The following INTS6 variants were observed in gnomAD, a reference collection of about 807,000 sequenced individuals.
INTS6 encodes the protein DEAD box protein.
A neutral mutation model predicts 104.9 loss-of-function variants in INTS6; 16 were observed. The observed-to-expected ratio is 0.15, with a 90% confidence interval of 0.10 to 0.23. The LOEUF is 0.23. Among genes scored for constraint, INTS6 ranks in the 10% least tolerant of loss-of-function variants. The pLI is 1.00. For synonymous variants in INTS6, 324 were observed against 358.7 expected (o/e 0.90, Z 1.09); for missense variants, 584 against 1,062.8 (o/e 0.55, Z 6.26).
chr13:51,421,372 A>C, intron 4 of INTS6: 4 of 827,070 alleles, frequency 4.8e-6, no homozygotes, highest in East Asian at 1.2e-4. Context: ...CAACAAACAA[A>C]ACAAAGGGGG....
chr13:51,349,567 G>A (rs752143623), downstream of INTS6, among the ~76,000 whole-genome samples: 2 of 152,192 alleles, frequency 1.3e-5, no homozygotes, highest in Non-Finnish European at 2.9e-5. Context: ...AGGCTGGTGC[G>A]AGAATTCGCC....
chr13:51,361,284 A>T, downstream of INTS6: 1 of 1,607,666 alleles, frequency 6.2e-7, no homozygotes, highest in South Asian at 1.1e-5. Flanking sequence ...TTAGGCCAAG[A>T]TGGCTTTTAT....
chr13:51,397,840 C>T lies in INTS6; in HGVS notation c.430-2357G>A, dbSNP rs531870762. On this transcript the variant is annotated intron_variant, in intron 4 of 17. Transcript: ENST00000311234. ...CCACACACACACACACACATGCACA[C>T]ACACAAACTAATCATGTAATGATGA... is the stretch of plus-strand genomic sequence containing the variant. 2.6e-5 allele frequency among the ~76,000 whole-genome samples: 4 copies of T among 152,124 alleles called. No homozygotes were observed. In the South Asian group the frequency reaches 8.3e-4, roughly 32 times the overall value.
At position 51,364,241 on chromosome 13, in the gene INTS6, T is replaced by C. The variant is rs1187095045; in HGVS notation, c.*1511A>G. On this transcript the variant is annotated 3_prime_UTR_variant, in exon 18 of 18. Transcript: ENST00000311234. Reference sequence around the variant, plus strand: ...TAAATTCTTCTTTTTCTTGACAGGGTTTGTCTTCAGTATTGGGAGAGTTTC... The same window carrying C: ...TAAATTCTTCTTTTTCTTGACAGGGCTTGTCTTCAGTATTGGGAGAGTTTC... The C allele has an allele frequency of 2.8e-6, 4 of 1,442,652 alleles. No individual in the cohort carries two copies. Among genetic ancestry groups the C allele is most frequent in the Non-Finnish European group, 3.7e-6 (4 of 1,072,842 alleles). The allele number at this position is 1,442,652 out of a possible 1,614,324, so 89.4% of individuals were successfully genotyped here. A position where few individuals can be genotyped will look rare whatever the true frequency, so the allele number is the denominator to read the frequency against.
downstream of INTS6, chr13:51,361,453 T>C (rs549878134): frequency 1.1e-4 from 90 of 837,692 alleles, 1 homozygote; most frequent in South Asian, 1.4e-3. Flanking sequence ...TCTGAATCTT[T>C]CCATAACCCC....
chr13:51,450,252 G>A (rs1953007826), intron 3 of INTS6: 4 of 984,028 alleles, frequency 4.1e-6, no homozygotes, highest in South Asian at 4.7e-5. Context: ...TTTATTTCCA[G>A]GGCAATAATA....
At chr13:51,411,033 G>GA (rs1252026812) in intron 4 of INTS6, among the ~76,000 whole-genome samples, 1 of 151,650 alleles carries the variant, frequency 6.6e-6, no homozygotes, top group Non-Finnish European at 1.5e-5. Context: ...CCAACATAGT[G>GA]AAACCCCGTC....
At chr13:51,338,061 G>A in the INTS6 span, among the ~76,000 whole-genome samples, 14 of 152,114 alleles carry the variant, frequency 9.2e-5, 1 homozygote, top group Non-Finnish European at 5.9e-5. Context: ...CATTTTTCCC[G>A]AAGGATGCTT....
At chr13:51,433,640 A>G (rs1413650635) in intron 3 of INTS6, among the ~76,000 whole-genome samples, 1 of 152,246 alleles carries the variant, frequency 6.6e-6, no homozygotes, top group African/African-American at 2.4e-5. Flanking sequence ...TTAAAGGCCC[A>G]TGTCTACAAA....
chr13:51,429,536 C>T (rs760328948), intron 4 of INTS6, among the ~76,000 whole-genome samples: 1 of 151,706 alleles, frequency 6.6e-6, no homozygotes, highest in Non-Finnish European at 1.5e-5. Flanking sequence ...GAGGCCAAGG[C>T]AGGTGGATCC....
intron 4 of INTS6, among the ~76,000 whole-genome samples, chr13:51,420,899 C>T (rs768668726): frequency 6.6e-6 from 1 of 152,092 alleles, no homozygotes; most frequent in Non-Finnish European, 1.5e-5. Context: ...CAGGAAATAC[C>T]GAGTTCCTCA....
intron 4 of INTS6, among the ~76,000 whole-genome samples, chr13:51,419,661 T>C (rs1956859886): frequency 6.6e-6 from 1 of 152,208 alleles, no homozygotes. Flanking sequence ...GTACCTCTCA[T>C]ATCAAACTCA....
intron 4 of INTS6, among the ~76,000 whole-genome samples, chr13:51,428,832 C>T (rs528585100): frequency 1.2e-4 from 19 of 152,256 alleles, no homozygotes; most frequent in African/African-American, 3.9e-4. Flanking sequence ...TTTTTCAGCT[C>T]TATCTCCATG....
At chr13:51,434,780 ATCTT>A (rs1957157096) in intron 3 of INTS6, among the ~76,000 whole-genome samples, 1 of 152,028 alleles carries the variant, frequency 6.6e-6, no homozygotes, top group African/African-American at 2.4e-5. Flanking sequence ...GCATAATGTC[ATCTT>A]TCTCTGTCAA....
At chr13:51,336,620 A>G in the INTS6 span, among the ~76,000 whole-genome samples, 2 of 152,182 alleles carry the variant, frequency 1.3e-5, no homozygotes, top group African/African-American at 4.8e-5. Context: ...GTCCTTTCTT[A>G]AGTAAGATGA....
At chr13:51,341,875 C>A in the INTS6 span, among the ~76,000 whole-genome samples, 1 of 152,160 alleles carries the variant, frequency 6.6e-6, no homozygotes, top group Non-Finnish European at 1.5e-5. Flanking sequence ...AGTTGGGACT[C>A]AAGCCCAGGC....
rs1272977323 is a variant in INTS6, at chr13:51,369,203, C to G, written c.2212G>C (p.Ala738Pro). The change falls in exon 16 of 18, where the codon GCA becomes CCA. Residue 738 changes from alanine (A) to proline (P), a missense_variant. By Grantham distance (27) the Ala-to-Pro change is conservative (BLOSUM62 -1). Coordinates refer to ENST00000311234, the MANE Select transcript of INTS6 (RefSeq NM_012141.3). The part of the protein sequence containing the change: ...TPNAMDTEFS[A>P]SSPASLLERP... ...TCCAGTAAACTGGCTGGAGAAGATG[C>G]TGAAAATTCCGTATCCATAGCATTT... The G allele has an allele frequency of 6.2e-7, 1 of 1,613,788 alleles. No homozygotes were observed. The highest frequency in any genetic ancestry group is 8.5e-7 in the Non-Finnish European group (1 of 1,179,844).
At chr13:51,359,870 G>T (rs1955536790), downstream of INTS6, among the ~76,000 whole-genome samples, 1 of 151,998 alleles carries the variant, frequency 6.6e-6, no homozygotes, top group South Asian at 2.1e-4. Context: ...AGTGAAATTT[G>T]TTTCTTAAAG....
chr13:51,408,016 CAAA>C (rs558667282), intron 4 of INTS6, among the ~76,000 whole-genome samples: 3 of 66,958 alleles, frequency 4.5e-5, no homozygotes, highest in Non-Finnish European at 3.1e-5. Context: ...GACTCGGTCT[CAAA>C]AAAAAAAAAA....
Sources: gnomAD v4.1 joint callset for allele counts (sites outside exome capture counted in the v4.1 genomes callset) on GRCh38, gnomAD v4.1.1 for gene constraint, MANE v1.5 for transcripts, NCBI Gene and HGNC (gene_info 2026-07-23, HGNC 2026-07-21) for gene names.